The following DEUP1 variants were observed in gnomAD, a reference collection of about 807,000 sequenced individuals.
DEUP1 encodes the protein deuterosome assembly protein 1, also known as coiled-coil domain containing 67.
Under a neutral mutation model 87.4 loss-of-function variants are expected in DEUP1, and 82 were observed. That is an observed-to-expected ratio of 0.94 (90% confidence interval 0.78 to 1.13). The LOEUF is 1.13. Among genes scored for constraint, DEUP1 ranks in the 50% most tolerant of loss-of-function variants. The pLI, the probability that DEUP1 is intolerant of heterozygous loss-of-function variation, is 0.00. For synonymous variants in DEUP1, 214 were observed against 222.7 expected, an observed-to-expected ratio of 0.96 and a Z score of 0.35; for missense variants, 663 against 681.5, an observed-to-expected ratio of 0.97 and a Z score of 0.30.
chr11:93,408,620 G>A (rs575229391), intron 12 of DEUP1, among the ~76,000 whole-genome samples, 193 bp downstream of exon 12: 1 of 152,268 alleles, frequency 6.6e-6, no homozygotes, highest in East Asian at 1.9e-4. Flanking sequence ...TTTGAAATGC[G>A]TGGAGTGTTA....
chr11:93,372,086 G>A (rs1173467479), intron 7 of DEUP1, among the ~76,000 whole-genome samples: 2 of 151,278 alleles, frequency 1.3e-5, no homozygotes, highest in Non-Finnish European at 2.9e-5. Flanking sequence ...CCGCCACTAC[G>A]CCCGGCTAAT....
Position 93,437,752 on chromosome 11 carries a change from C to CCG in DEUP1, c.*33_*34insCG, listed in dbSNP as rs375443728. 1,366 of 1,052,786 alleles carry CCG rather than the reference C, an allele frequency of 1.3e-3. 13 individuals are homozygous for CCG. In the South Asian group the frequency reaches 0.015, roughly 12 times the overall value. 65.2% of individuals were successfully genotyped at this position (1,052,786 alleles called of 1,614,324 possible). Reference sequence around the variant, plus strand: ...AACTTTTTTATTTGCTTCCCCCCCCCACCCCCGCCAAGAAAAAAAGCTCTG... The same window carrying CCG: ...AACTTTTTTATTTGCTTCCCCCCCCCCGACCCCCGCCAAGAAAAAAAGCTCTG... On this transcript the variant is annotated 3_prime_UTR_variant, in exon 14 of 14. Coordinates refer to ENST00000298050, the MANE Select transcript of DEUP1 (RefSeq NM_181645.4).
In DEUP1 at chr11:93,394,544, A is replaced by G; in HGVS notation, c.1127A>G (p.Glu376Gly). Residue 376 changes from glutamate to glycine, a missense_variant, in exon 10 of 14, where the codon GAG becomes GGG. Physicochemically the swap from Glu to Gly is moderately conservative, Grantham distance 98. Coordinates refer to ENST00000298050, the MANE Select transcript of DEUP1 (RefSeq NM_181645.4). ...AATGAAATCTCTGACCTAACAGAAG[A>G]GCTTCATCAGAAGGAGATCACTATA... ...MRNEISDLTE[E>G]LHQKEITIAT... The G allele has an allele frequency of 1.2e-6, 2 of 1,612,502 alleles. No individual in the cohort carries two copies. Among genetic ancestry groups the G allele is most frequent in the Non-Finnish European group, 1.7e-6 (2 of 1,179,160 alleles).
In DEUP1 at chr11:93,385,425, A is replaced by G. The variant is rs373235753; in HGVS notation, c.817A>G (p.Lys273Glu). The change falls in exon 8 of 14, where the codon AAA becomes GAA. Residue 273 changes from lysine (K) to glutamate (E), a missense_variant. Transcript: ENST00000298050. ...QAMEAGLSEV[K>E]SELQSRDDLL... ...CATGGAAGCAGGTCTCTCAGAGGTA[A>G]AAAGTGAGTTACAGTCACGTGATGA... The G allele has an allele frequency of 3.1e-6, 5 of 1,613,072 alleles. No homozygotes were observed. Among genetic ancestry groups the G allele is most frequent in the Non-Finnish European group, 4.2e-6 (5 of 1,179,618 alleles).
At chr11:93,350,578 C>A (rs1376529488) in intron 2 of DEUP1, among the ~76,000 whole-genome samples, 1 of 152,182 alleles carries the variant, frequency 6.6e-6, no homozygotes, top group Non-Finnish European at 1.5e-5. Context: ...ACTTTTGTTA[C>A]TGATGCAGCA....
intron 13 of DEUP1, among the ~76,000 whole-genome samples, chr11:93,433,721 G>T (rs1222942050): frequency 1.3e-5 from 2 of 152,166 alleles, no homozygotes; most frequent in African/African-American, 4.8e-5. Flanking sequence ...TTTACCGAGG[G>T]AGTATTTTAG....
intron 2 of DEUP1, among the ~76,000 whole-genome samples, chr11:93,338,045 C>T: frequency 6.6e-6 from 1 of 152,138 alleles, no homozygotes; most frequent in East Asian, 1.9e-4. Context: ...CTAATCAGAG[C>T]ACTGGTGAAA....
At chr11:93,343,396 T>C (rs549295918) in intron 2 of DEUP1, among the ~76,000 whole-genome samples, 2 of 152,332 alleles carry the variant, frequency 1.3e-5, no homozygotes, top group South Asian at 2.1e-4. Context: ...CAGTAATACA[T>C]GTGTAGATCA....
chr11:93,360,379 A>G (rs1417488739), intron 4 of DEUP1, among the ~76,000 whole-genome samples: 1 of 152,180 alleles, frequency 6.6e-6, no homozygotes, highest in Non-Finnish European at 1.5e-5. Flanking sequence ...AACACAATAC[A>G]CAAAAATGTC....
chr11:93,350,938 A>G (rs574317287), intron 2 of DEUP1, among the ~76,000 whole-genome samples: 1 of 151,466 alleles, frequency 6.6e-6, no homozygotes, highest in Admixed American at 6.6e-5. Flanking sequence ...CCTGGGCAAC[A>G]GAGCGAGACT....
intron 5 of DEUP1, among the ~76,000 whole-genome samples, chr11:93,368,395 C>T (rs1355906038): frequency 1.3e-5 from 2 of 152,222 alleles, no homozygotes; most frequent in Admixed American, 6.5e-5. Context: ...CTACCTGAGA[C>T]TGGGTAATTT....
chr11:93,435,195 G>A (rs1948207625), intron 13 of DEUP1, among the ~76,000 whole-genome samples: 1 of 152,130 alleles, frequency 6.6e-6, no homozygotes, highest in South Asian at 2.1e-4. Flanking sequence ...AGGTGCTAGG[G>A]ACCTATTGCA....
intron 2 of DEUP1, among the ~76,000 whole-genome samples, chr11:93,348,157 G>T (rs1944451243): frequency 6.6e-6 from 1 of 152,158 alleles, no homozygotes; most frequent in African/African-American, 2.4e-5. Flanking sequence ...TTCTCTGACG[G>T]TTATTTGTAT....
At chr11:93,338,226 G>T (rs1223632160) in intron 2 of DEUP1, among the ~76,000 whole-genome samples, 1 of 151,834 alleles carries the variant, frequency 6.6e-6, no homozygotes, top group African/African-American at 2.4e-5. Flanking sequence ...AGAAAAGCTG[G>T]CAAGAGAAGT....
At chr11:93,395,210 T>A (rs541537663) in intron 10 of DEUP1, among the ~76,000 whole-genome samples, 1 of 152,294 alleles carries the variant, frequency 6.6e-6, no homozygotes, top group South Asian at 2.1e-4. Context: ...AACTTCTACA[T>A]CCTTCCTTTC....
At position 93,379,315 on chromosome 11, in the gene DEUP1, C is replaced by G. The variant is rs1054278640; in HGVS notation, c.790-6083C>G. On this transcript the variant is annotated intron_variant, in intron 7 of 13. Transcript: ENST00000298050. ...AGTATGACTGACTTTCTCTATAATG[C>G]TTTCCTTGATCAACTCCACCTTTCT... is the stretch of plus-strand genomic sequence containing the variant. Among the ~76,000 whole-genome samples, 14 of 152,284 alleles carry G rather than the reference C, an allele frequency of 9.2e-5. No individual in the cohort carries two copies. The South Asian group carries it at 2.7e-3, about 29-fold the overall frequency.
intron 13 of DEUP1, among the ~76,000 whole-genome samples, chr11:93,434,711 G>A (rs78519934): frequency 0.054 from 8,204 of 152,230 alleles, 682 homozygotes; most frequent in African/African-American, 0.18. Flanking sequence ...AAGATACATA[G>A]ACAGAAAGCA....
intron 11 of DEUP1, among the ~76,000 whole-genome samples, chr11:93,397,100 T>G (rs11020304): frequency 0.25 from 38,442 of 152,106 alleles, 5,219 homozygotes; most frequent in Middle Eastern, 0.38. Flanking sequence ...GGAATGGAAA[T>G]GATAAGAGAT....
intron 2 of DEUP1, among the ~76,000 whole-genome samples, chr11:93,335,067 T>C (rs577072573): frequency 6.6e-6 from 1 of 152,352 alleles, no homozygotes; most frequent in African/African-American, 2.4e-5. Flanking sequence ...GTAAGTTTCC[T>C]CCTGAGCACA....
Sources: allele counts gnomAD v4.1 joint callset (sites outside exome capture counted in the v4.1 genomes callset), GRCh38; gene constraint gnomAD v4.1.1; transcripts MANE v1.5; gene names NCBI Gene and HGNC (gene_info 2026-07-23, HGNC 2026-07-21).